The following ECI2 variants were observed in gnomAD, a reference collection of about 807,000 sequenced individuals.
The protein encoded by ECI2 is D3,D2-enoyl-CoA isomerase.
Under a neutral mutation model 38.4 loss-of-function variants are expected in ECI2, and 27 were observed. The observed-to-expected ratio is 0.70, with a 90% CI of 0.52 to 0.97. ECI2 has a LOEUF of 0.97. Among genes scored for constraint, ECI2 ranks in the 50% least tolerant of loss-of-function variants. The pLI is 0.00. For missense variants in ECI2, 470 were observed against 474.4 expected, an observed-to-expected ratio of 0.99 and a Z score of 0.09; for synonymous variants, 168 against 172.0, an observed-to-expected ratio of 0.98 and a Z score of 0.18.
intron 1 of ECI2, among the ~76,000 whole-genome samples, chr6:4,134,591 A>G (rs183498150): frequency 1.3e-3 from 205 of 152,366 alleles, no homozygotes; most frequent in Non-Finnish European, 2.1e-3. Context: ...GCCCAAACCT[A>G]ACACACAAAC....
chr6:4,132,870 T>G (rs1773561468), intron 2 of ECI2, among the ~76,000 whole-genome samples: 1 of 152,164 alleles, frequency 6.6e-6, no homozygotes, highest in Non-Finnish European at 1.5e-5. Context: ...GTTCAAACGA[T>G]TCTCCTGCCT....
chr6:4,116,894 C>T (rs1383095420), intron 9 of ECI2, among the ~76,000 whole-genome samples: 1 of 152,214 alleles, frequency 6.6e-6, no homozygotes, highest in Non-Finnish European at 1.5e-5. Flanking sequence ...CTTCTGGCTC[C>T]AGGACTACAT....
chr6:4,127,672 AG>A, intron 5 of ECI2, 89 bp downstream of exon 5: 3 of 1,363,282 alleles, frequency 2.2e-6, no homozygotes, highest in Non-Finnish European at 3.0e-6. Context: ...CTCGGCCTCC[AG>A]GTCTTAGAGC....
intron 7 of ECI2, among the ~76,000 whole-genome samples, chr6:4,120,046 AAT>A (rs902191365): frequency 6.6e-6 from 1 of 152,200 alleles, no homozygotes; most frequent in Non-Finnish European, 1.5e-5. Flanking sequence ...GATGCACAAT[AAT>A]ATGTTTATCA....
At chr6:4,135,427 G>A (rs1773676750) in intron 1 of ECI2, 84 bp downstream of exon 1, 3 of 1,605,670 alleles carry the variant, frequency 1.9e-6, no homozygotes, top group African/African-American at 1.3e-5. Context: ...AGGGAAGGAG[G>A]GTCTTCCAAC....
intron 7 of ECI2, among the ~76,000 whole-genome samples, chr6:4,123,884 C>A (rs905180109): frequency 2.0e-5 from 3 of 151,924 alleles, no homozygotes; most frequent in African/African-American, 7.3e-5. Flanking sequence ...TCGCTTGAAC[C>A]CGGGAGGTGG....
chr6:4,123,096 A>G, intron 7 of ECI2, among the ~76,000 whole-genome samples: 1 of 152,180 alleles, frequency 6.6e-6, no homozygotes, highest in East Asian at 1.9e-4. Flanking sequence ...TTTATTCTTG[A>G]AGCCAATAAT....
At chr6:4,116,740 G>C (rs1338484283) in intron 9 of ECI2, among the ~76,000 whole-genome samples, 2 of 152,026 alleles carry the variant, frequency 1.3e-5, no homozygotes, top group Non-Finnish European at 2.9e-5. Flanking sequence ...CACTGTTCTC[G>C]GCCCTAATGC....
At chr6:4,117,182 T>C (rs1772337017) in intron 9 of ECI2, 126 bp downstream of exon 9, 5 of 1,184,622 alleles carry the variant, frequency 4.2e-6, no homozygotes, top group Non-Finnish European at 5.8e-6. Context: ...ATTCCAAATT[T>C]AGATGTGCTT....
At position 4,117,430 on chromosome 6, in the gene ECI2, C is replaced by CA; in HGVS notation, c.906dup (p.Gly303TrpfsTer17). On this transcript the variant is annotated frameshift_variant, in exon 9 of 10. Transcript: ENST00000380118. LOFTEE classifies it high-confidence loss of function. The stretch of plus-strand genomic sequence containing the variant: ...GCCTCTCCCGCTGTTAACTTCTTTC[C>CA]AAAAATAAGCATCTCTGTTGCCTGA... The CA allele has an allele frequency of 6.2e-7, 1 of 1,612,474 alleles. No individual in the cohort carries two copies. Among genetic ancestry groups the CA allele is most frequent in the Non-Finnish European group, 8.5e-7 (1 of 1,179,616 alleles).
At chr6:4,119,635 T>A (rs1772549104) in intron 7 of ECI2, among the ~76,000 whole-genome samples, 2 of 152,218 alleles carry the variant, frequency 1.3e-5, no homozygotes. Flanking sequence ...GTGTTATTTT[T>A]AAAAATCACG....
Position 4,133,635 on chromosome 6 carries a change from A to C in ECI2, c.127T>G (p.Phe43Val). 6.2e-7 allele frequency: 1 copy of C among 1,614,020 alleles called. No individual in the cohort carries two copies. Among genetic ancestry groups the C allele is most frequent in the Non-Finnish European group, 8.5e-7 (1 of 1,179,982 alleles). Residue 43 changes from phenylalanine (F) to valine (V), a missense_variant, in exon 2 of 10, where the codon TTT (phenylalanine) becomes GTT (valine). Physicochemically the swap from Phe to Val is conservative, Grantham distance 50 (BLOSUM62 -1). Coordinates refer to ENST00000380118, the MANE Select transcript of ECI2 (RefSeq NM_206836.3). ...TTCACTTGATTCATTGAATTTTCAA[A>C]GTCCTTCTGACTGGCTCTCATTGCT... The part of the protein sequence containing the change: ...RTAMRASQKD[F>V]ENSMNQVKLL...
chr6:4,122,244 G>A (rs933882447), intron 7 of ECI2, among the ~76,000 whole-genome samples: 35 of 147,304 alleles, frequency 2.4e-4, no homozygotes, highest in Admixed American at 8.3e-4. Flanking sequence ...TTTTTGAGAC[G>A]GAGTCTTGCT....
In ECI2 at chr6:4,123,050, T is replaced by C. The variant is rs189379265; in HGVS notation, c.795+2200A>G. ...AATGTACTGATTAATATTTTGGTTA[T>C]ATGGGTTAAATATTAACCCATCATT... On this transcript the variant is annotated intron_variant, in intron 7 of 9. Transcript: ENST00000380118. Among the ~76,000 whole-genome samples the C allele has an allele frequency of 2.3e-3, 358 of 152,348 alleles. 2 individuals are homozygous for C. Among genetic ancestry groups the C allele is most frequent in the African/African-American group, 7.7e-3 (320 of 41,582 alleles).
At chr6:4,124,092 G>C (rs1772989075) in intron 7 of ECI2, among the ~76,000 whole-genome samples, 1 of 152,156 alleles carries the variant, frequency 6.6e-6, no homozygotes, top group Non-Finnish European at 1.5e-5. Flanking sequence ...TTTAGGTCAG[G>C]AACCATTGAC....
At position 4,127,746 on chromosome 6, in the gene ECI2, T is replaced by G. The variant is rs777789051; in HGVS notation, c.571+16A>C. Reference sequence around the variant, plus strand: ...AAAATAGAAATTTAATTAGGATGCCTGAGAAAATGTCTTACCTGTTAAAAC... The same window carrying G: ...AAAATAGAAATTTAATTAGGATGCCGGAGAAAATGTCTTACCTGTTAAAAC... On this transcript the variant is annotated intron_variant, in intron 5 of 9. Coordinates refer to ENST00000380118, the MANE Select transcript of ECI2 (RefSeq NM_206836.3). The G allele has an allele frequency of 1.0e-5, 16 of 1,605,438 alleles. No homozygotes were observed. The highest frequency in any genetic ancestry group is 1.4e-5 in the Non-Finnish European group (16 of 1,176,692).
chr6:4,122,096 AAG>A (rs1772830691), intron 7 of ECI2: 2 of 1,175,880 alleles, frequency 1.7e-6, no homozygotes, highest in Admixed American at 2.0e-5. Flanking sequence ...GATTTTCAGA[AAG>A]AGAGCAGCAG....
Position 4,126,176 on chromosome 6 carries a change from A to C in ECI2, c.633T>G (p.Gly211=). 1.2e-6 allele frequency: 2 copies of C among 1,614,006 alleles called. No individual in the cohort carries two copies. Among genetic ancestry groups the C allele is most frequent in the Non-Finnish European group, 1.7e-6 (2 of 1,179,968 alleles). ...DLTNFTDIPP[G]GVEEKAKNNA... is the part of the protein sequence containing the mutation. ...TATTTTTAGCTTTCTCCTCTACTCC[A>C]CCAGGGGGAATATCAGTGAAGTTAG... is the stretch of plus-strand genomic sequence containing the variant. The change falls in exon 6 of 10, where the codon GGT becomes GGG. Residue 211 remains glycine (G), a synonymous_variant. Transcript: ENST00000380118.
intron 8 of ECI2, 84 bp downstream of exon 8, chr6:4,119,102 A>G: frequency 1.7e-6 from 2 of 1,144,270 alleles, no homozygotes; most frequent in Non-Finnish European, 2.5e-6. Context: ...TACCAAGGGA[A>G]AGAAGGGAGA....
Sources: allele counts gnomAD v4.1 joint callset (sites outside exome capture counted in the v4.1 genomes callset), GRCh38; gene constraint gnomAD v4.1.1; transcripts MANE v1.5; gene names NCBI Gene and HGNC (gene_info 2026-07-23, HGNC 2026-07-21).